Variants in MARS1 observed in about 807,000 individuals in gnomAD.
MARS1 encodes methionyl-tRNA synthetase 1, also known as methionine--tRNA ligase, cytoplasmic.
MARS1 carries 80 observed loss-of-function variants against 119.5 expected under a neutral mutation model. The ratio of observed to expected loss-of-function variants is 0.67; its 90% CI spans 0.56 to 0.81. The LOEUF is 0.81. Among genes scored for constraint, MARS1 ranks in the 30% least tolerant of loss-of-function variants. MARS1 has a pLI of 0.00. For synonymous variants in MARS1, 418 were observed against 433.4 expected, an observed-to-expected ratio of 0.96 and a Z score of 0.44; for missense variants, 945 against 1,116.5, an observed-to-expected ratio of 0.85 and a Z score of 2.19.
rs750818295 is a variant in MARS1, at chr12:57,515,905, ACT to A, written c.2392-12_2392-11del. 2 of 1,607,008 alleles carry A rather than the reference ACT, an allele frequency of 1.2e-6. No homozygotes were observed. The highest frequency in any genetic ancestry group is 2.7e-5 in the African/African-American group (2 of 74,628). On this transcript the variant is annotated splice_polypyrimidine_tract_variant and intron_variant, in intron 18 of 20. Transcript: ENST00000262027. The stretch of plus-strand genomic sequence containing the variant: ...TATCCAATCAGTAGATGATTCTGGA[ACT>A]CTTTTTTTACAGGTCAGTCCCTTGT...
intron 7 of MARS1, among the ~76,000 whole-genome samples, chr12:57,496,668 C>T (rs1474943361): frequency 1.3e-5 from 2 of 151,520 alleles, no homozygotes; most frequent in Non-Finnish European, 2.9e-5. Flanking sequence ...TTCCAGCTAC[C>T]TGGGAGGCTG....
chr12:57,505,880 G>C (rs1377160579), intron 11 of MARS1, among the ~76,000 whole-genome samples: 2 of 152,188 alleles, frequency 1.3e-5, no homozygotes, highest in Admixed American at 6.5e-5. Context: ...TTGGGAGGCT[G>C]AGGTGGGAGG....
chr12:57,493,673 TATATTA>T (rs1876288082), intron 7 of MARS1, among the ~76,000 whole-genome samples: 1 of 26,398 alleles, frequency 3.8e-5, no homozygotes, highest in African/African-American at 3.0e-4. Flanking sequence ...ATATATTATA[TATATTA>T]TATATAATAT....
At chr12:57,506,725 G>A (rs1877195813) in intron 11 of MARS1, among the ~76,000 whole-genome samples, 1 of 151,836 alleles carries the variant, frequency 6.6e-6, no homozygotes, top group Non-Finnish European at 1.5e-5. Context: ...TGCCCAGACT[G>A]TAGTGCAGTG....
At chr12:57,499,234 A>C (rs1050720319) in intron 9 of MARS1, among the ~76,000 whole-genome samples, 2 of 147,424 alleles carry the variant, frequency 1.4e-5, no homozygotes, top group Non-Finnish European at 3.0e-5. Flanking sequence ...TGGTGAGCCA[A>C]GATCATGCCA....
At chr12:57,504,558 C>CT (rs1043363476) in intron 11 of MARS1, among the ~76,000 whole-genome samples, 9 of 150,578 alleles carry the variant, frequency 6.0e-5, no homozygotes, top group East Asian at 1.9e-4. Flanking sequence ...TTATGTCTCT[C>CT]TTTTTTTTTA....
chr12:57,495,284 G>A (rs1456829449), intron 7 of MARS1, among the ~76,000 whole-genome samples: 1 of 151,620 alleles, frequency 6.6e-6, no homozygotes, highest in Non-Finnish European at 1.5e-5. Context: ...TCCTGGATGG[G>A]GCGGCTGCCG....
chr12:57,511,650 C>A (rs751593713), intron 11 of MARS1, 48 bp from the exon 12 acceptor site: 48 of 1,598,116 alleles, frequency 3.0e-5, no homozygotes, highest in African/African-American at 4.0e-5. Flanking sequence ...CTTATGCTAA[C>A]CATATATGAG....
chr12:57,504,403 T>C, intron 11 of MARS1, 104 bp downstream of exon 11: 1 of 909,852 alleles, frequency 1.1e-6, no homozygotes, highest in Non-Finnish European at 1.8e-6. Flanking sequence ...GTTTTAAATT[T>C]CCATTAAGAA....
intron 1 of MARS1, 66 bp downstream of exon 1, chr12:57,488,265 CA>C: frequency 1.3e-6 from 2 of 1,481,688 alleles, no homozygotes; most frequent in Non-Finnish European, 1.9e-6. Context: ...AGATTCTCTG[CA>C]GCTGTCTTTG....
Position 57,516,583 on chromosome 12 carries a change from A to C in MARS1, c.*2A>C. 6.4e-7 allele frequency: 1 copy of C among 1,568,786 alleles called. No individual in the cohort carries two copies. The highest frequency in any genetic ancestry group is 8.6e-7 in the Non-Finnish European group (1 of 1,164,778). The stretch of plus-strand genomic sequence containing the variant: ...CCTAAAGGCAAGAAGAAAAAGTAAA[A>C]GACCTTGGCTCATAGAAAGTCACTT... On this transcript the variant is annotated 3_prime_UTR_variant, in exon 21 of 21. Transcript: ENST00000262027.
chr12:57,493,474 TAATA>T lies in MARS1; in HGVS notation c.770+2831_770+2834del, dbSNP rs1280702656. ...ATAATATATTATAATATATAATATATAATATATAATATATAATATATTATAATAT... is the reference window on the plus strand; with the variant it reads ...ATAATATATTATAATATATAATATATTATAATATATAATATATTATAATAT... On this transcript the variant is annotated intron_variant, in intron 7 of 20. Transcript: ENST00000262027. 3.6e-3 allele frequency among the ~76,000 whole-genome samples: 3 copies of T among 840 alleles called. 1 individual carries two copies. Among genetic ancestry groups the T allele is most frequent in the Admixed American group, 0.077 (2 of 26 alleles). 0.6% of individuals were successfully genotyped at this position (840 alleles called of 152,430 possible).
intron 7 of MARS1, among the ~76,000 whole-genome samples, chr12:57,493,770 A>AT (rs1565641033): frequency 1.0e-3 from 1 of 958 alleles, no homozygotes; most frequent in Non-Finnish European, 3.0e-3. Context: ...TATATATTAT[A>AT]TATAATATAT....
rs768234938 is a variant in MARS1 at position 57,516,447 on chromosome 12, C to T, written c.2569C>T (p.Arg857Ter). The T allele has an allele frequency of 4.6e-5, 74 of 1,612,988 alleles. No homozygotes were observed. The highest frequency in any genetic ancestry group is 1.6e-4 in the Middle Eastern group (1 of 6,080). Residue 857 changes from arginine (R) to a stop codon, truncating the protein, a stop_gained, in exon 21 of 21, where the codon CGA becomes TGA. Transcript: ENST00000262027. LOFTEE classifies it high-confidence loss of function. ...DEVTKQGNIVRELKAQKADKN... is the reference protein window; with the variant it reads ...DEVTKQGNIV ...CCCTTTATCTTAGGGAAACATTGTC[C>T]GAGAACTGAAAGCACAAAAGGCAGA...
intron 11 of MARS1, among the ~76,000 whole-genome samples, chr12:57,506,752 C>A (rs1426962788): frequency 6.8e-6 from 1 of 146,792 alleles, no homozygotes; most frequent in Admixed American, 6.7e-5. Context: ...TTTCAGCTCA[C>A]TGCAACCTCC....
Position 57,489,005 on chromosome 12 carries a change from C to T in MARS1, c.110-14C>T. On this transcript the variant is annotated splice_polypyrimidine_tract_variant and intron_variant, in intron 1 of 20. Transcript: ENST00000262027. ...CCTTTTTTTTTTTTAACCCATTTTCCATTCTTGCATCAGATTGTGTGGTCC... is the reference window on the plus strand; with the variant it reads ...CCTTTTTTTTTTTTAACCCATTTTCTATTCTTGCATCAGATTGTGTGGTCC... The T allele has an allele frequency of 1.3e-6, 2 of 1,581,480 alleles. No individual in the cohort carries two copies. Among genetic ancestry groups the T allele is most frequent in the Non-Finnish European group, 1.7e-6 (2 of 1,154,828 alleles).
chr12:57,508,553 C>T lies in MARS1; in HGVS notation c.1369-3145C>T, dbSNP rs918116609. Among the ~76,000 whole-genome samples, 11 of 152,252 alleles carry T rather than the reference C, an allele frequency of 7.2e-5. No homozygotes were observed. In the East Asian group the frequency reaches 2.1e-3, roughly 29 times the overall value. ...GCACGCGCCCGCAATCGCAGGCACTCGGCAGGCTGAGGCAGGAGAATCAGG... is the reference window on the plus strand; with the variant it reads ...GCACGCGCCCGCAATCGCAGGCACTTGGCAGGCTGAGGCAGGAGAATCAGG... On this transcript the variant is annotated intron_variant, in intron 11 of 20. Transcript: ENST00000262027.
intron 11 of MARS1, among the ~76,000 whole-genome samples, chr12:57,506,631 T>G (rs541743300): frequency 2.6e-5 from 4 of 152,158 alleles, no homozygotes; most frequent in Non-Finnish European, 5.9e-5. Context: ...CACTGTGTGA[T>G]TAATATTTTC....
At chr12:57,506,662 G>C (rs922953598) in intron 11 of MARS1, among the ~76,000 whole-genome samples, 25 of 152,202 alleles carry the variant, frequency 1.6e-4, no homozygotes, top group Middle Eastern at 3.4e-3. Flanking sequence ...CTTATGAGCA[G>C]TCTGGGAATA....
Sources: gnomAD v4.1 joint callset for allele counts (sites outside exome capture counted in the v4.1 genomes callset) on GRCh38, gnomAD v4.1.1 for gene constraint, MANE v1.5 for transcripts, NCBI Gene and HGNC (gene_info 2026-07-23, HGNC 2026-07-21) for gene names.